NR3C1: variants seen among roughly 807,000 people sequenced by gnomAD.
NR3C1 encodes the protein nuclear receptor subfamily 3 group C member 1, also known as glucocorticoid receptor.
A neutral mutation model predicts 74.0 loss-of-function variants in NR3C1; 14 were observed. That is an observed-to-expected ratio of 0.19 (90% confidence interval 0.12 to 0.30). The LOEUF (loss-of-function observed/expected upper bound fraction) is 0.30. NR3C1 is among the 10% of genes least tolerant of loss of function. The probability of loss-of-function intolerance (pLI) is 1.00; values close to 1 mark genes in which losing one functional copy is unlikely to be tolerated. For synonymous variants in NR3C1, 308 were observed against 332.5 expected (o/e 0.93, Z 0.80); for missense variants, 695 against 909.8 (o/e 0.76, Z 3.04).
chr5:143,426,302 G>A (rs62375510), intron 1 of NR3C1, among the ~76,000 whole-genome samples: 23,957 of 152,086 alleles, frequency 0.16, 2,347 homozygotes, highest in East Asian at 0.42. Context: ...ATTTGATAGC[G>A]GGGATGGTTG....
intron 1 of NR3C1, among the ~76,000 whole-genome samples, chr5:143,424,609 T>C (rs1751435770): frequency 6.6e-6 from 1 of 152,228 alleles, no homozygotes; most frequent in Admixed American, 6.5e-5. Context: ...GATGTAATTC[T>C]AGCCTTATAT....
At chr5:143,325,162 A>C (rs1020868592) in intron 2 of NR3C1, among the ~76,000 whole-genome samples, 1 of 152,160 alleles carries the variant, frequency 6.6e-6, no homozygotes, top group African/African-American at 2.4e-5. Flanking sequence ...CATGCTTGTG[A>C]TAAAGACACA....
At chr5:143,362,741 C>T (rs748097980) in intron 2 of NR3C1, among the ~76,000 whole-genome samples, 5 of 152,122 alleles carry the variant, frequency 3.3e-5, no homozygotes, top group Non-Finnish European at 7.4e-5. Flanking sequence ...CTTTATTTTG[C>T]CTAACTTAGA....
chr5:143,321,869 A>C (rs889544692), intron 2 of NR3C1, among the ~76,000 whole-genome samples: 12 of 152,302 alleles, frequency 7.9e-5, no homozygotes, highest in African/African-American at 2.4e-4. Context: ...ATCCTATGTT[A>C]CCTTTTGATG....
intron 2 of NR3C1, among the ~76,000 whole-genome samples, chr5:143,381,446 T>A (rs992349368): frequency 1.3e-5 from 2 of 151,908 alleles, no homozygotes; most frequent in Admixed American, 1.3e-4. Context: ...AAAAAAATCA[T>A]AGGATTTATA....
At chr5:143,434,950 G>C (rs571270276) in exon 1 of NR3C1, 2 of 985,062 alleles carry the variant, frequency 2.0e-6, no homozygotes, top group Non-Finnish European at 2.4e-6. Context: ...CCTGTCTCTC[G>C]GGTATAACTT....
At chr5:143,306,489 A>T (rs1561523227) in intron 4 of NR3C1, among the ~76,000 whole-genome samples, 2 of 152,236 alleles carry the variant, frequency 1.3e-5, no homozygotes, top group Non-Finnish European at 2.9e-5. Flanking sequence ...TCAATACAAA[A>T]ATGATAGTTT....
chr5:143,281,766 CAAAACAACAGATGAAAACAATAAAAAAT>C lies in NR3C1; in HGVS notation c.*95_*122del. The stretch of plus-strand genomic sequence containing the variant: ...AACCACATGTAGTGCGTATTTAAAA[CAAAACAACAGATGAAAACAATAAAAAAT>C]AAAACAACAAAACCTCTACAGGACA... On this transcript the variant is annotated 3_prime_UTR_variant, in exon 9 of 9. Coordinates refer to ENST00000394464, the MANE Select transcript of NR3C1 (RefSeq NM_000176.3). The C allele has an allele frequency of 8.8e-7, 1 of 1,141,292 alleles. No homozygotes were observed. Among genetic ancestry groups the C allele is most frequent in the Middle Eastern group, 2.9e-4 (1 of 3,452 alleles). The allele number at this position is 1,141,292 out of a possible 1,614,324, so 70.7% of individuals were successfully genotyped here. A position where few individuals can be genotyped will look rare whatever the true frequency, so the allele number is the denominator to read the frequency against.
chr5:143,311,145 G>A (rs562233261), intron 3 of NR3C1, among the ~76,000 whole-genome samples: 1 of 152,176 alleles, frequency 6.6e-6, no homozygotes, highest in African/African-American at 2.4e-5. Context: ...AAATATCCTA[G>A]CTTCTTTACT....
intron 7 of NR3C1, among the ~76,000 whole-genome samples, chr5:143,292,520 C>T (rs567851983): frequency 5.9e-5 from 9 of 152,234 alleles, no homozygotes; most frequent in Admixed American, 5.2e-4. Context: ...CACTCTGCTA[C>T]GTATTTCCAA....
intron 2 of NR3C1, among the ~76,000 whole-genome samples, chr5:143,326,330 T>G (rs10482655): frequency 0.16 from 24,319 of 152,210 alleles, 2,373 homozygotes; most frequent in Middle Eastern, 0.26. Context: ...AATTTCTGTT[T>G]TCTATCTATC....
chr5:143,423,946 T>C lies in NR3C1; in HGVS notation c.-14+10586A>G, dbSNP rs182292555. On this transcript the variant is annotated intron_variant, in intron 1 of 8. Coordinates refer to the NR3C1 transcript ENST00000343796. ...GGTTACTAGGGTCTGGGAAGGGTAG[T>C]GGGGAGGGGGGATAAAGAGGGGGTG... 5.9e-3 allele frequency among the ~76,000 whole-genome samples: 776 copies of C among 132,426 alleles called. 9 individuals are homozygous for C. The highest frequency in any genetic ancestry group is 0.021 in the African/African-American group (743 of 35,070). 86.9% of individuals were successfully genotyped at this position (132,426 alleles called of 152,430 possible). A position where few individuals can be genotyped will look rare whatever the true frequency, so the allele number is the denominator to read the frequency against.
At chr5:143,351,356 C>G (rs1830187424) in intron 2 of NR3C1, among the ~76,000 whole-genome samples, 2 of 152,132 alleles carry the variant, frequency 1.3e-5, no homozygotes, top group Non-Finnish European at 2.9e-5. Flanking sequence ...TCTAACTGTC[C>G]AGCCATATCG....
intron 7 of NR3C1, among the ~76,000 whole-genome samples, chr5:143,294,585 G>GT (rs1399870657): frequency 1.3e-5 from 2 of 152,058 alleles, no homozygotes; most frequent in Non-Finnish European, 2.9e-5. Context: ...CACCATTGTA[G>GT]TATCATACGA....
At chr5:143,404,528 C>T (rs1170842153), upstream of NR3C1, 24 of 979,902 alleles carry the variant, frequency 2.4e-5, no homozygotes, top group African/African-American at 4.2e-4. Context: ...GTCCCCCACC[C>T]TCTTCCCCGA....
chr5:143,425,609 G>A (rs1288955649), intron 1 of NR3C1, among the ~76,000 whole-genome samples: 2 of 152,052 alleles, frequency 1.3e-5, no homozygotes, highest in Non-Finnish European at 2.9e-5. Context: ...TAGCCAATAA[G>A]CACATAAAAG....
At chr5:143,370,358 T>C (rs1834029627) in intron 2 of NR3C1, among the ~76,000 whole-genome samples, 1 of 152,222 alleles carries the variant, frequency 6.6e-6, no homozygotes, top group African/African-American at 2.4e-5. Context: ...TTTTTGTTTA[T>C]TTAGGACCTG....
chr5:143,375,978 C>A (rs137883521), intron 2 of NR3C1: 1 of 152,202 alleles, frequency 6.6e-6, no homozygotes, highest in Non-Finnish European at 1.5e-5. Context: ...AATATGCTAA[C>A]AGGCATAATG....
intron 1 of NR3C1, among the ~76,000 whole-genome samples, chr5:143,408,824 A>C (rs1444421835): frequency 6.6e-6 from 1 of 152,032 alleles, no homozygotes; most frequent in African/African-American, 2.4e-5. Flanking sequence ...TTTTAGAATA[A>C]TTTTCGTGCA....
Sources: allele counts gnomAD v4.1 joint callset (sites outside exome capture counted in the v4.1 genomes callset), GRCh38; gene constraint gnomAD v4.1.1; transcripts MANE v1.5; gene names NCBI Gene and HGNC (gene_info 2026-07-23, HGNC 2026-07-21).